The following MTUS2 variants were observed in gnomAD, a reference collection of about 807,000 sequenced individuals.
MTUS2 encodes microtubule-associated tumor suppressor candidate 2.
In MTUS2, 40 loss-of-function variants were observed where a neutral mutation model predicts 114.1. The ratio of observed to expected loss-of-function variants is 0.35; its 90% CI spans 0.27 to 0.46. The LOEUF is 0.46. MTUS2 is among the 20% of genes least tolerant of loss of function. The pLI, the probability that MTUS2 is intolerant of heterozygous loss-of-function variation, is 1.00. For synonymous variants in MTUS2, 688 were observed against 672.0 expected (o/e 1.02, Z -0.37); for missense variants, 1,679 against 1,705.4 (o/e 0.98, Z 0.27).
chr13:29,012,820 G>C (rs984469504), intron 2 of MTUS2, among the ~76,000 whole-genome samples: 3 of 151,894 alleles, frequency 2.0e-5, no homozygotes, highest in African/African-American at 7.3e-5. Flanking sequence ...GTTGCAGTGA[G>C]CCGAGATCGC....
chr13:29,181,375 C>T (rs1281037031), intron 5 of MTUS2, among the ~76,000 whole-genome samples: 1 of 152,170 alleles, frequency 6.6e-6, no homozygotes, highest in Non-Finnish European at 1.5e-5. Context: ...CTGCTTGTGT[C>T]ACCACCCACC....
At chr13:28,847,357 A>G (rs981564978) in intron 2 of MTUS2, among the ~76,000 whole-genome samples, 2 of 152,128 alleles carry the variant, frequency 1.3e-5, no homozygotes, top group South Asian at 2.1e-4. Flanking sequence ...ATAGAGGGAC[A>G]CAGGGCATAG....
intron 2 of MTUS2, among the ~76,000 whole-genome samples, chr13:28,894,348 GAGT>G: frequency 5.4e-5 from 6 of 110,662 alleles, no homozygotes; most frequent in African/African-American, 2.3e-4. Flanking sequence ...GAGAGAGAGA[GAGT>G]GAGAGTGAGA....
chr13:28,906,963 A>T (rs1233343703), intron 2 of MTUS2, among the ~76,000 whole-genome samples: 4 of 151,480 alleles, frequency 2.6e-5, no homozygotes. Flanking sequence ...GATTCACCAA[A>T]GTAGAAATGA....
chr13:29,134,341 A>G (rs559571733), intron 5 of MTUS2, among the ~76,000 whole-genome samples: 31 of 152,278 alleles, frequency 2.0e-4, no homozygotes, highest in African/African-American at 7.0e-4. Context: ...CTTGAAAAGA[A>G]TGTGAATTCT....
At position 29,026,740 on chromosome 13, in the gene MTUS2, A is replaced by G. The variant is rs142051050; in HGVS notation, c.2042A>G (p.Glu681Gly). 13 of 1,613,950 alleles carry G rather than the reference A, an allele frequency of 8.1e-6. No homozygotes were observed. The African/African-American group carries it at 1.7e-4, about 22-fold the overall frequency. ...ACATGTACCATGCCTCTTCCCCACG[A>G]AGAGAAGGCAGCAGGTGGTGACCTG... is the stretch of plus-strand genomic sequence containing the variant. Reference protein sequence around the residue: ...PPTCTMPLPHEEKAAGGDLKP... With the variant: ...PPTCTMPLPHGEKAAGGDLKP... The change falls in exon 3 of 16, where the codon GAA becomes GGA. Residue 681 changes from glutamate to glycine, a missense_variant. Coordinates refer to ENST00000612955, the MANE Select transcript of MTUS2 (RefSeq NM_001033602.4).
chr13:29,119,807 A>G (rs1009227402), intron 5 of MTUS2, among the ~76,000 whole-genome samples: 2 of 152,188 alleles, frequency 1.3e-5, no homozygotes, highest in Non-Finnish European at 2.9e-5. Flanking sequence ...TTAAATGCTA[A>G]TATCTTCCAG....
At chr13:28,834,606 C>G (rs1874939018) in intron 1 of MTUS2, among the ~76,000 whole-genome samples, 1 of 152,030 alleles carries the variant, frequency 6.6e-6, no homozygotes, top group Admixed American at 6.6e-5. Flanking sequence ...AGTAAATCTT[C>G]ATGATGTTGG....
intron 4 of MTUS2, among the ~76,000 whole-genome samples, chr13:29,084,226 T>A (rs1889566707): frequency 6.6e-6 from 1 of 152,170 alleles, no homozygotes; most frequent in African/African-American, 2.4e-5. Flanking sequence ...CCCTTTTAAA[T>A]CTTACGTTGT....
intron 5 of MTUS2, among the ~76,000 whole-genome samples, chr13:29,259,964 G>T (rs533930249): frequency 6.6e-6 from 1 of 152,212 alleles, no homozygotes; most frequent in Non-Finnish European, 1.5e-5. Context: ...CAGTGCTGTG[G>T]CAGCACCTGC....
At chr13:29,163,956 G>A (rs754451567) in intron 5 of MTUS2, among the ~76,000 whole-genome samples, 24 of 152,210 alleles carry the variant, frequency 1.6e-4, no homozygotes, top group Non-Finnish European at 2.4e-4. Context: ...CCCACAGCTC[G>A]AGCGCCCTTT....
intron 2 of MTUS2, among the ~76,000 whole-genome samples, chr13:28,928,083 C>T (rs1331714303): frequency 6.6e-6 from 1 of 151,960 alleles, no homozygotes; most frequent in Non-Finnish European, 1.5e-5. Context: ...TATTTCTCAC[C>T]ATATGCAAAA....
intron 5 of MTUS2, among the ~76,000 whole-genome samples, chr13:29,125,924 A>G (rs1429281436): frequency 1.3e-5 from 2 of 152,208 alleles, no homozygotes; most frequent in African/African-American, 4.8e-5. Context: ...GTCAGTGGCA[A>G]ATGTACAAAA....
chr13:29,011,001 G>C (rs945731135), intron 2 of MTUS2, among the ~76,000 whole-genome samples: 30 of 152,226 alleles, frequency 2.0e-4, no homozygotes, highest in African/African-American at 7.2e-4. Flanking sequence ...TAGCATCATT[G>C]CTCCCCTTCC....
intron 2 of MTUS2, among the ~76,000 whole-genome samples, chr13:29,008,088 C>T (rs1885678014): frequency 6.6e-6 from 1 of 152,094 alleles, no homozygotes; most frequent in Non-Finnish European, 1.5e-5. Flanking sequence ...TAATTGCTGC[C>T]CAATAGCCAT....
chr13:29,365,184 C>A (rs1187378916), intron 8 of MTUS2, among the ~76,000 whole-genome samples: 1 of 152,198 alleles, frequency 6.6e-6, no homozygotes, highest in Non-Finnish European at 1.5e-5. Flanking sequence ...CCCCAAACAT[C>A]AAAATATTCC....
intron 5 of MTUS2, among the ~76,000 whole-genome samples, chr13:29,189,499 T>C (rs1276572866): frequency 2.6e-5 from 4 of 151,498 alleles, no homozygotes; most frequent in South Asian, 2.1e-4. Context: ...ATCCACCTAA[T>C]ATAAAACTAA....
At chr13:29,219,478 G>T (rs527943970) in intron 5 of MTUS2, among the ~76,000 whole-genome samples, 1 of 152,114 alleles carries the variant, frequency 6.6e-6, no homozygotes, top group African/African-American at 2.4e-5. Context: ...AGTCCTTTGG[G>T]TATATACCCA....
rs1900414272 is a variant in MTUS2 at position 29,324,853 on chromosome 13, T to G, written c.2905+142T>G. Reference sequence around the variant, plus strand: ...GCTTGACATACATATGCTGATGTTTTCTGACTCTAGATGAAATGAACCAGC... The same window carrying G: ...GCTTGACATACATATGCTGATGTTTGCTGACTCTAGATGAAATGAACCAGC... On this transcript the variant is annotated intron_variant, in intron 7 of 15. Coordinates refer to ENST00000612955, the MANE Select transcript of MTUS2 (RefSeq NM_001033602.4). 4 of 650,856 alleles carry G rather than the reference T, an allele frequency of 6.1e-6. No individual in the cohort carries two copies. In the South Asian group the frequency reaches 7.9e-5, roughly 13 times the overall value. 40.3% of individuals were successfully genotyped at this position (650,856 alleles called of 1,614,324 possible). A position where few individuals can be genotyped will look rare whatever the true frequency, so the allele number is the denominator to read the frequency against.
Sources: allele counts gnomAD v4.1 joint callset (sites outside exome capture counted in the v4.1 genomes callset), GRCh38; gene constraint gnomAD v4.1.1; transcripts MANE v1.5; gene names NCBI Gene and HGNC (gene_info 2026-07-23, HGNC 2026-07-21).